The following CNBD1 variants were observed in gnomAD, a reference collection of about 807,000 sequenced individuals.
CNBD1 encodes cyclic nucleotide binding domain containing 1.
CNBD1 carries 71 observed loss-of-function variants against 54.4 expected under a neutral mutation model. That is an observed-to-expected ratio of 1.30 (90% CI 1.08 to 1.59). The LOEUF is 1.59. Ranked by LOEUF, CNBD1 falls within the 40% of genes most tolerant of loss-of-function variation. CNBD1 has a pLI of 0.00. For missense variants in CNBD1, 659 were observed against 518.0 expected (o/e 1.27, Z -2.64); for synonymous variants, 182 against 170.7 (o/e 1.07, Z -0.51).
At chr8:87,174,090 C>T (rs1813148468) in intron 4 of CNBD1, among the ~76,000 whole-genome samples, 2 of 152,020 alleles carry the variant, frequency 1.3e-5, no homozygotes, top group Non-Finnish European at 2.9e-5. Context: ...TCCCGAGTGG[C>T]TGGGACTATA....
chr8:87,160,724 TA>T (rs1027134302), intron 4 of CNBD1, among the ~76,000 whole-genome samples: 5 of 151,982 alleles, frequency 3.3e-5, no homozygotes, highest in South Asian at 2.1e-4. Flanking sequence ...TAATAAGGGA[TA>T]GGGGGAGGAT....
intron 4 of CNBD1, among the ~76,000 whole-genome samples, chr8:86,999,114 C>A (rs1016395176): frequency 6.6e-6 from 1 of 152,188 alleles, no homozygotes; most frequent in Non-Finnish European, 1.5e-5. Context: ...TGTCAGCTTT[C>A]GGAAGAGTGA....
chr8:86,960,441 C>A (rs769563102), intron 4 of CNBD1, among the ~76,000 whole-genome samples: 1 of 152,082 alleles, frequency 6.6e-6, no homozygotes, highest in Non-Finnish European at 1.5e-5. Flanking sequence ...GGGGGAGGGG[C>A]GTCCACTGTC....
chr8:86,910,418 A>C (rs772568930), intron 3 of CNBD1, among the ~76,000 whole-genome samples: 2 of 151,880 alleles, frequency 1.3e-5, no homozygotes, highest in Non-Finnish European at 2.9e-5. Context: ...AATTTTTTTC[A>C]ACCAGAATAA....
chr8:87,095,411 G>C (rs1811296843), intron 4 of CNBD1, among the ~76,000 whole-genome samples: 1 of 152,186 alleles, frequency 6.6e-6, no homozygotes, highest in Admixed American at 6.5e-5. Flanking sequence ...TCCTATTTGA[G>C]TGTTGTCTTT....
intron 4 of CNBD1, among the ~76,000 whole-genome samples, chr8:86,971,676 T>C (rs930107458): frequency 6.6e-6 from 1 of 152,098 alleles, no homozygotes; most frequent in Non-Finnish European, 1.5e-5. Flanking sequence ...TTTTTTGAGG[T>C]AATTCCTAGT....
At chr8:87,360,450 A>G (rs1810503164) in intron 10 of CNBD1, among the ~76,000 whole-genome samples, 1 of 151,872 alleles carries the variant, frequency 6.6e-6, no homozygotes, top group Non-Finnish European at 1.5e-5. Context: ...TTAAGCAAAT[A>G]TAAATTTCCT....
intron 4 of CNBD1, among the ~76,000 whole-genome samples, chr8:87,187,219 A>C (rs916347457): frequency 6.6e-6 from 1 of 151,876 alleles, no homozygotes; most frequent in Non-Finnish European, 1.5e-5. Context: ...TATATGCCAA[A>C]TATTAAAACA....
chr8:87,270,037 G>A (rs572310703), intron 6 of CNBD1, among the ~76,000 whole-genome samples: 5 of 152,086 alleles, frequency 3.3e-5, no homozygotes, highest in South Asian at 4.1e-4. Context: ...GAATCCAGCA[G>A]CACATATAAA....
intron 4 of CNBD1, among the ~76,000 whole-genome samples, chr8:87,006,206 G>A (rs531423451): frequency 1.6e-4 from 24 of 152,024 alleles, no homozygotes; most frequent in African/African-American, 5.5e-4. Flanking sequence ...CTCTAAATCG[G>A]GGGAAAAAAG....
intron 4 of CNBD1, among the ~76,000 whole-genome samples, chr8:86,989,379 T>G (rs1808689116): frequency 6.6e-6 from 1 of 152,136 alleles, no homozygotes; most frequent in African/African-American, 2.4e-5. Flanking sequence ...CTTCCTTTCT[T>G]TTGGGTATAT....
At chr8:87,061,086 C>T (rs555525422) in intron 4 of CNBD1, among the ~76,000 whole-genome samples, 1 of 152,210 alleles carries the variant, frequency 6.6e-6, no homozygotes, top group Admixed American at 6.5e-5. Context: ...TTCAAAATGC[C>T]AAGTGCATGA....
intron 4 of CNBD1, among the ~76,000 whole-genome samples, chr8:87,008,302 G>C (rs1416457586): frequency 2.0e-5 from 3 of 152,120 alleles, no homozygotes; most frequent in African/African-American, 7.2e-5. Context: ...TTAGTGTTCT[G>C]TAAGTTTTAT....
intron 8 of CNBD1, among the ~76,000 whole-genome samples, chr8:87,344,690 C>A (rs908403792): frequency 2.6e-5 from 4 of 151,082 alleles, no homozygotes; most frequent in Non-Finnish European, 5.9e-5. Flanking sequence ...TAATCAGGTA[C>A]GTCATTATTT....
In CNBD1 at chr8:86,965,951, C is replaced by G. The variant is rs141481964; in HGVS notation, c.431+26197C>G. Among the ~76,000 whole-genome samples, 3 of 152,146 alleles carry G rather than the reference C, an allele frequency of 2.0e-5. No individual in the cohort carries two copies. In the East Asian group the frequency reaches 5.9e-4, roughly 30 times the overall value. ...CTCCAGCTATCAGCAGAGAGGGTAC[C>G]TCCTCTCTGCAGCTGGTCCTCCTGT... On this transcript the variant is annotated intron_variant, in intron 4 of 10. Coordinates refer to ENST00000518476, the MANE Select transcript of CNBD1 (RefSeq NM_173538.3).
chr8:86,986,301 T>A (rs1297561575), intron 4 of CNBD1, among the ~76,000 whole-genome samples: 1 of 152,196 alleles, frequency 6.6e-6, no homozygotes, highest in Non-Finnish European at 1.5e-5. Context: ...ATTGGCCATT[T>A]GTATGTCTTC....
At chr8:87,308,801 C>T (rs1264086072) in intron 8 of CNBD1, among the ~76,000 whole-genome samples, 1 of 152,204 alleles carries the variant, frequency 6.6e-6, no homozygotes, top group East Asian at 1.9e-4. Flanking sequence ...TCCATGAGAT[C>T]CACCTTTTTA....
intron 10 of CNBD1, among the ~76,000 whole-genome samples, chr8:87,368,833 G>T (rs902535070): frequency 6.6e-6 from 1 of 151,882 alleles, no homozygotes; most frequent in South Asian, 2.1e-4. Context: ...ATATCTGAGG[G>T]TTACATTCTG....
At chr8:87,411,674 A>T (rs1255491587) in intron 2 of CNBD1, among the ~76,000 whole-genome samples, 2 of 150,072 alleles carry the variant, frequency 1.3e-5, no homozygotes, top group Non-Finnish European at 3.0e-5. Context: ...TTTTTTTACA[A>T]CCATTACTAT....
Sources: gnomAD v4.1 joint callset for allele counts (sites outside exome capture counted in the v4.1 genomes callset) on GRCh38, gnomAD v4.1.1 for gene constraint, MANE v1.5 for transcripts, NCBI Gene and HGNC (gene_info 2026-07-23, HGNC 2026-07-21) for gene names.